The following ZC3HC1 variants were observed in gnomAD, a reference collection of about 807,000 sequenced individuals.
ZC3HC1 encodes the protein zinc finger C3HC-type containing 1, also known as zinc finger C3HC-type protein 1.
In ZC3HC1, 38 loss-of-function variants were observed where a neutral mutation model predicts 61.9. The observed-to-expected ratio is 0.61, with a 90% CI of 0.47 to 0.81. ZC3HC1 has a LOEUF of 0.81. ZC3HC1 is among the 30% of genes least tolerant of loss of function. ZC3HC1 has a pLI of 0.00. For synonymous variants in ZC3HC1, 213 were observed against 229.9 expected (o/e 0.93, Z 0.67); for missense variants, 554 against 622.7 (o/e 0.89, Z 1.17).
intron 2 of ZC3HC1, 87 bp from the exon 3 acceptor site, chr7:130,041,188 T>C (rs1415344907): frequency 7.2e-7 from 1 of 1,386,074 alleles, no homozygotes; most frequent in East Asian, 2.5e-5. Context: ...ATACACATAC[T>C]GTTTTTTTTT....
intron 9 of ZC3HC1, among the ~76,000 whole-genome samples, chr7:130,022,027 C>T (rs1455926664): frequency 3.9e-5 from 6 of 151,954 alleles, no homozygotes; most frequent in Non-Finnish European, 7.4e-5. Context: ...ACAAAATTAG[C>T]CGGGTGTGGT....
chr7:130,039,298 C>G, intron 4 of ZC3HC1, 166 bp downstream of exon 4: 1 of 615,106 alleles, frequency 1.6e-6, no homozygotes, highest in Non-Finnish European at 2.8e-6. Flanking sequence ...GAGCCAAGAT[C>G]GCGCCACTGT....
chr7:130,022,589 G>T, intron 8 of ZC3HC1, 64 bp from the exon 9 acceptor site: 1 of 1,548,434 alleles, frequency 6.5e-7, no homozygotes, highest in Non-Finnish European at 8.8e-7. Context: ...GGGAGGCACT[G>T]CTGTTAGTTA....
intron 3 of ZC3HC1, among the ~76,000 whole-genome samples, chr7:130,039,797 C>T (rs998431975): frequency 1.3e-5 from 2 of 151,806 alleles, no homozygotes; most frequent in Non-Finnish European, 2.9e-5. Flanking sequence ...CTCTGTCGCC[C>T]AGGCTTGAGT....
At position 130,032,222 on chromosome 7, in the gene ZC3HC1, TAA is replaced by T. The variant is rs71175066; in HGVS notation, c.494-3195_494-3194del. Among the ~76,000 whole-genome samples the T allele has an allele frequency of 4.7e-3, 670 of 143,770 alleles. 2 individuals carry two copies. Among genetic ancestry groups the T allele is most frequent in the African/African-American group, 7.4e-3 (290 of 39,198 alleles). The allele number at this position is 143,770 out of a possible 152,430, so 94.3% of individuals were successfully genotyped here. ...CTGGGCAACAGAACAAGATTCCCTC[TAA>T]AAAAAAAAAAAAAGTAAGTTGATTT... On this transcript the variant is annotated intron_variant, in intron 4 of 9. Coordinates refer to ENST00000358303, the MANE Select transcript of ZC3HC1 (RefSeq NM_016478.5).
intron 4 of ZC3HC1, among the ~76,000 whole-genome samples, chr7:130,029,601 C>A (rs1794086541): frequency 6.6e-6 from 1 of 151,976 alleles, no homozygotes; most frequent in Admixed American, 6.6e-5. Flanking sequence ...CAAAACAATG[C>A]AGAGGGGCAG....
intron 2 of ZC3HC1, among the ~76,000 whole-genome samples, chr7:130,047,473 T>C (rs1035980175): frequency 1.1e-4 from 17 of 152,172 alleles, no homozygotes; most frequent in South Asian, 4.1e-4. Context: ...TTTGTTAATT[T>C]TTGATTCCTA....
intron 2 of ZC3HC1, among the ~76,000 whole-genome samples, chr7:130,044,918 TG>T (rs1777763767): frequency 6.6e-6 from 1 of 152,220 alleles, no homozygotes; most frequent in Admixed American, 6.6e-5. Context: ...ATAACTGTTC[TG>T]TAATCTTCAA....
intron 2 of ZC3HC1, among the ~76,000 whole-genome samples, chr7:130,043,147 T>C (rs1009416621): frequency 3.3e-5 from 5 of 152,016 alleles, no homozygotes; most frequent in Non-Finnish European, 5.9e-5. Flanking sequence ...TGTGGTAGTA[T>C]GTACCTGTAA....
At chr7:130,024,739 C>T (rs750483487) in intron 6 of ZC3HC1, among the ~76,000 whole-genome samples, 16 of 151,812 alleles carry the variant, frequency 1.1e-4, no homozygotes, top group Non-Finnish European at 2.2e-4. Context: ...GACTGTTTTG[C>T]AGGCATGTTT....
intron 3 of ZC3HC1, among the ~76,000 whole-genome samples, chr7:130,040,321 C>G (rs188003726): frequency 6.7e-6 from 1 of 149,962 alleles, no homozygotes; most frequent in Non-Finnish European, 1.5e-5. Context: ...GGTGAAACCC[C>G]GTCTCTACTA....
At chr7:130,046,841 G>A (rs963016200) in intron 2 of ZC3HC1, among the ~76,000 whole-genome samples, 1 of 152,162 alleles carries the variant, frequency 6.6e-6, no homozygotes, top group African/African-American at 2.4e-5. Flanking sequence ...AGGCTGCAGT[G>A]CAGTGGCATG....
chr7:130,050,943 T>C (rs1486388375), intron 1 of ZC3HC1, among the ~76,000 whole-genome samples: 2 of 152,178 alleles, frequency 1.3e-5, no homozygotes, highest in Non-Finnish European at 2.9e-5. Context: ...GAATCCCCAA[T>C]TAAGAGAAGT....
intron 2 of ZC3HC1, among the ~76,000 whole-genome samples, chr7:130,048,667 G>A (rs1181776392): frequency 6.6e-6 from 1 of 152,022 alleles, no homozygotes; most frequent in Non-Finnish European, 1.5e-5. Flanking sequence ...TTCATCTTGG[G>A]CAAGTCATAT....
At chr7:130,022,058 G>C (rs539512650) in intron 9 of ZC3HC1, among the ~76,000 whole-genome samples, 15 of 152,092 alleles carry the variant, frequency 9.9e-5, no homozygotes, top group African/African-American at 3.6e-4. Flanking sequence ...TGTAATCCTA[G>C]CTACTTGGGA....
At chr7:130,039,603 A>G in intron 3 of ZC3HC1, 56 bp from the exon 4 acceptor site, 1 of 1,312,960 alleles carries the variant, frequency 7.6e-7, no homozygotes, top group Non-Finnish European at 1.1e-6. Context: ...TTCAAAATCC[A>G]ATGAATGGCC....
rs140456542 is a variant in ZC3HC1 at position 130,041,862 on chromosome 7, A to G, written c.259-761T>C. Among the ~76,000 whole-genome samples the G allele has an allele frequency of 3.8e-3, 581 of 152,336 alleles. 4 individuals carry two copies. The highest frequency in any genetic ancestry group is 0.013 in the African/African-American group (537 of 41,580). ...TTAATGTATATAGGAATAAACATTA[A>G]GGAGAAAGGCAATGAGAAAAGTGGT... is the stretch of plus-strand genomic sequence containing the variant. On this transcript the variant is annotated intron_variant, in intron 2 of 9. Coordinates refer to ENST00000358303, the MANE Select transcript of ZC3HC1 (RefSeq NM_016478.5).
chr7:130,050,445 T>C, intron 1 of ZC3HC1: 4 of 1,529,934 alleles, frequency 2.6e-6, no homozygotes, highest in Non-Finnish European at 3.5e-6. Context: ...AAACTTACTC[T>C]AAGACTCTCA....
rs770383531 is a variant in ZC3HC1, at chr7:130,018,473, T to C, written c.*191A>G. Reference sequence around the variant, plus strand: ...GCTGCCCTTACCCTGTCCACATCCCTGAAAGGAAACGGGTCTCTCTCAGCC... The same window carrying C: ...GCTGCCCTTACCCTGTCCACATCCCCGAAAGGAAACGGGTCTCTCTCAGCC... On this transcript the variant is annotated 3_prime_UTR_variant, in exon 10 of 10. Coordinates refer to ENST00000358303, the MANE Select transcript of ZC3HC1 (RefSeq NM_016478.5). 38 of 550,174 alleles carry C rather than the reference T, an allele frequency of 6.9e-5. No individual in the cohort carries two copies. The highest frequency in any genetic ancestry group is 2.8e-4 in the Admixed American group (9 of 32,632). 34.1% of individuals were successfully genotyped at this position (550,174 alleles called of 1,614,324 possible).
Sources: gnomAD v4.1 joint callset for allele counts (sites outside exome capture counted in the v4.1 genomes callset) on GRCh38, gnomAD v4.1.1 for gene constraint, MANE v1.5 for transcripts, NCBI Gene and HGNC (gene_info 2026-07-23, HGNC 2026-07-21) for gene names.